The following DAB1 variants were observed in gnomAD, a reference collection of about 807,000 sequenced individuals.
The protein encoded by DAB1 is disabled homolog 1.
Under a neutral mutation model 64.6 loss-of-function variants are expected in DAB1, and 15 were observed. The ratio of observed to expected loss-of-function variants is 0.23; its 90% CI spans 0.16 to 0.36. The LOEUF (loss-of-function observed/expected upper bound fraction) is 0.36. Ranked by LOEUF, DAB1 falls within the 10% of genes least tolerant of loss-of-function variation. The probability of loss-of-function intolerance (pLI) is 1.00; values close to 1 mark genes in which losing one functional copy is unlikely to be tolerated. For missense variants in DAB1, 596 were observed against 706.7 expected (o/e 0.84, Z 1.78); for synonymous variants, 235 against 251.9 (o/e 0.93, Z 0.64).
At chr1:57,811,506 C>T (rs1177719691) in intron 6 of DAB1, among the ~76,000 whole-genome samples, 1 of 152,184 alleles carries the variant, frequency 6.6e-6, no homozygotes, top group Non-Finnish European at 1.5e-5. Context: ...CAGATGCTAG[C>T]ATCATGCTTC....
intron 6 of DAB1, among the ~76,000 whole-genome samples, chr1:57,703,685 G>T (rs1646933342): frequency 6.6e-6 from 1 of 152,034 alleles, no homozygotes; most frequent in South Asian, 2.1e-4. Context: ...CCTATTACTG[G>T]TATATACCCA....
intron 5 of DAB1, among the ~76,000 whole-genome samples, chr1:58,132,552 T>C (rs1241471322): frequency 6.6e-6 from 1 of 152,218 alleles, no homozygotes; most frequent in East Asian, 1.9e-4. Context: ...GCCAGGGATC[T>C]CTGAGGATCC....
At chr1:57,034,600 TTTA>T (rs1647079063) in intron 9 of DAB1, among the ~76,000 whole-genome samples, 2 of 152,242 alleles carry the variant, frequency 1.3e-5, no homozygotes, top group South Asian at 4.1e-4. Flanking sequence ...AACTTTGTAT[TTTA>T]TTGTTTATAT....
At chr1:57,644,286 G>A (rs1361585286) in intron 7 of DAB1, among the ~76,000 whole-genome samples, 1 of 152,188 alleles carries the variant, frequency 6.6e-6, no homozygotes, top group East Asian at 1.9e-4. Context: ...AGAGGCTTTA[G>A]GGCTGAGAGG....
intron 14 of DAB1, among the ~76,000 whole-genome samples, chr1:57,002,374 A>C (rs145897606): frequency 6.6e-5 from 10 of 152,354 alleles, no homozygotes; most frequent in African/African-American, 2.4e-4. Context: ...GCAATGAGGC[A>C]TCTCTGAAAG....
chr1:57,886,936 G>T (rs1292589069), upstream of DAB1, among the ~76,000 whole-genome samples: 2 of 152,226 alleles, frequency 1.3e-5, no homozygotes, highest in African/African-American at 4.8e-5. Flanking sequence ...TTGGCAAATG[G>T]TAAGTTTGGA....
At chr1:57,720,489 T>C (rs889299467) in intron 6 of DAB1, among the ~76,000 whole-genome samples, 2 of 152,232 alleles carry the variant, frequency 1.3e-5, no homozygotes, top group Non-Finnish European at 2.9e-5. Context: ...GGCATGAAGA[T>C]AGTGCAGTAT....
intron 1 of DAB1, among the ~76,000 whole-genome samples, chr1:57,417,126 C>T (rs1320462820): frequency 6.6e-6 from 1 of 152,080 alleles, no homozygotes; most frequent in African/African-American, 2.4e-5. Context: ...GAGAAGGGGA[C>T]GTATGATCAG....
intron 1 of DAB1, among the ~76,000 whole-genome samples, chr1:57,390,168 C>A (rs1055753958): frequency 6.6e-6 from 1 of 152,170 alleles, no homozygotes; most frequent in Non-Finnish European, 1.5e-5. Context: ...CCCTATGTGG[C>A]GCTCTTAAGT....
intron 3 of DAB1, among the ~76,000 whole-genome samples, chr1:58,374,219 A>G (rs1054177071): frequency 7.7e-6 from 1 of 129,446 alleles, no homozygotes; most frequent in Non-Finnish European, 1.7e-5. Context: ...TTTTGTTGCC[A>G]TTGTTTTTGG....
At chr1:57,181,085 T>C (rs1003707138) in intron 2 of DAB1, among the ~76,000 whole-genome samples, 1 of 152,188 alleles carries the variant, frequency 6.6e-6, no homozygotes, top group African/African-American at 2.4e-5. Flanking sequence ...TCTGACCCTA[T>C]CTCAGTGACC....
intron 4 of DAB1, among the ~76,000 whole-genome samples, chr1:57,102,196 TTCTCTG>T (rs1308231961): frequency 2.6e-5 from 4 of 152,282 alleles, no homozygotes; most frequent in South Asian, 2.1e-4. Context: ...TCTTCTCTCT[TTCTCTG>T]TCTCTGTCTC....
chr1:57,733,711 G>A (rs72664607), intron 6 of DAB1, among the ~76,000 whole-genome samples: 6,980 of 152,178 alleles, frequency 0.046, 242 homozygotes, highest in Non-Finnish European at 0.068. Flanking sequence ...TAACATAGAG[G>A]AAGCCCCTGC....
chr1:58,151,244 T>C lies in DAB1; in HGVS notation n.310-656A>G, dbSNP rs1654918638. On this transcript the variant is annotated intron_variant and non_coding_transcript_variant, in intron 4 of 20. Transcript: ENST00000485760. Reference sequence around the variant, plus strand: ...GGCTGGGTCAAATGGTATTTCTAGTTCTAGATCCTTGAGGAATTGCCACAC... The same window carrying C: ...GGCTGGGTCAAATGGTATTTCTAGTCCTAGATCCTTGAGGAATTGCCACAC... Among the ~76,000 whole-genome samples the C allele has an allele frequency of 4.6e-5, 7 of 152,346 alleles. No homozygotes were observed. In the South Asian group the frequency reaches 1.4e-3, roughly 32 times the overall value.
In DAB1 at chr1:57,768,218, C is replaced by T. The variant is rs369433186; in HGVS notation, n.551+115781G>A. Among the ~76,000 whole-genome samples the T allele has an allele frequency of 1.2e-3, 171 of 147,558 alleles. 1 individual carries two copies. The South Asian group carries it at 0.036, about 31-fold the overall frequency. ...AAAAAGTTGAGGTGCTACATCCATG[C>T]TCCCTGAATTCAGATCTCATCTCCA... On this transcript the variant is annotated intron_variant and non_coding_transcript_variant, in intron 6 of 20. Transcript: ENST00000485760.
intron 4 of DAB1, among the ~76,000 whole-genome samples, chr1:58,155,521 T>C (rs763512039): frequency 2.0e-5 from 3 of 152,154 alleles, no homozygotes; most frequent in Non-Finnish European, 4.4e-5. Context: ...CCATCCAGCC[T>C]TGGAGTCTCC....
intron 7 of DAB1, among the ~76,000 whole-genome samples, chr1:57,612,211 GTGTGTGTGCA>G (rs1194663101): frequency 1.3e-5 from 2 of 151,688 alleles, no homozygotes; most frequent in East Asian, 1.9e-4. Context: ...GTGTGTGTGT[GTGTGTGTGCA>G]TGTGTGTGCG....
At chr1:57,415,391 G>A (rs1684419752) in intron 1 of DAB1, among the ~76,000 whole-genome samples, 1 of 150,848 alleles carries the variant, frequency 6.6e-6, no homozygotes, top group African/African-American at 2.4e-5. Flanking sequence ...ATCAGAGTGG[G>A]AAAAAAAAGG....
At chr1:57,621,188 T>G (rs768104534) in intron 7 of DAB1, among the ~76,000 whole-genome samples, 89 of 151,918 alleles carry the variant, frequency 5.9e-4, no homozygotes, top group Middle Eastern at 3.4e-3. Flanking sequence ...TGTGTGTGTA[T>G]GTGTGTGTGC....
Sources: allele counts gnomAD v4.1 joint callset (sites outside exome capture counted in the v4.1 genomes callset), GRCh38; gene constraint gnomAD v4.1.1; transcripts MANE v1.5; gene names NCBI Gene and HGNC (gene_info 2026-07-23, HGNC 2026-07-21).